Variants in PPP1R21 observed in about 807,000 individuals in gnomAD.
PPP1R21 encodes protein phosphatase 1 regulatory subunit 21, also known as KLRAQ motif containing 1.
Under a neutral mutation model 112.8 loss-of-function variants are expected in PPP1R21, and 85 were observed. That is an observed-to-expected ratio of 0.75 (90% CI 0.63 to 0.90). The LOEUF is 0.90. Among genes scored for constraint, PPP1R21 ranks in the 40% least tolerant of loss-of-function variants. The pLI is 0.00. For missense variants in PPP1R21, 1,199 were observed against 901.5 expected, an observed-to-expected ratio of 1.33 and a Z score of -4.23; for synonymous variants, 381 against 322.3, an observed-to-expected ratio of 1.18 and a Z score of -1.95.
intron 13 of PPP1R21, among the ~76,000 whole-genome samples, chr2:48,485,995 T>C (rs993854824): frequency 3.4e-5 from 5 of 148,278 alleles, no homozygotes; most frequent in African/African-American, 7.3e-5. Flanking sequence ...TATACAATTA[T>C]ATATAATATA....
At chr2:48,489,545 C>T (rs1443912361) in intron 14 of PPP1R21, among the ~76,000 whole-genome samples, 3 of 151,082 alleles carry the variant, frequency 2.0e-5, no homozygotes, top group East Asian at 2.0e-4. Flanking sequence ...CTTGCCATAT[C>T]GCCCAGGCTG....
At chr2:48,489,846 C>T (rs966935250) in intron 14 of PPP1R21, among the ~76,000 whole-genome samples, 1 of 151,904 alleles carries the variant, frequency 6.6e-6, no homozygotes, top group Non-Finnish European at 1.5e-5. Context: ...GAGTTTGAGA[C>T]CAGCCTGGCC....
chr2:48,466,225 T>C (rs1668196545), intron 9 of PPP1R21, among the ~76,000 whole-genome samples: 1 of 151,914 alleles, frequency 6.6e-6, no homozygotes, highest in Non-Finnish European at 1.5e-5. Flanking sequence ...TTTTTTTCTT[T>C]TTTTGAGGTG....
intron 7 of PPP1R21, among the ~76,000 whole-genome samples, chr2:48,463,764 G>A (rs539903610): frequency 9.1e-4 from 139 of 152,140 alleles, no homozygotes; most frequent in African/African-American, 3.2e-3. Flanking sequence ...GAGGGGGTCA[G>A]AAGCAGAAGG....
At chr2:48,489,546 G>A (rs1013773364) in intron 14 of PPP1R21, among the ~76,000 whole-genome samples, 8 of 151,452 alleles carry the variant, frequency 5.3e-5, no homozygotes, top group Admixed American at 3.3e-4. Context: ...TTGCCATATC[G>A]CCCAGGCTGG....
At chr2:48,461,055 A>C in intron 6 of PPP1R21, 83 bp from the exon 7 acceptor site, 2 of 1,489,736 alleles carry the variant, frequency 1.3e-6, no homozygotes, top group Non-Finnish European at 8.9e-7. Flanking sequence ...GAAGCCTACT[A>C]CCAGCTGTTG....
rs1281684339 is a variant in PPP1R21 at position 48,505,566 on chromosome 2, T to G, written c.1938T>G (p.Ile646Met). The change falls in exon 18 of 22, where the codon ATT (isoleucine) becomes ATG (methionine). Residue 646 changes from isoleucine to methionine, a missense_variant and splice_region_variant. Ile to Met is a conservative substitution (Grantham distance 10). Coordinates refer to ENST00000294952, the MANE Select transcript of PPP1R21 (RefSeq NM_001135629.3). ...VLEPIQSTSL[I>M]GTLTRTSDSE... The stretch of plus-strand genomic sequence containing the variant: ...AGATTTTTCCCCTTATGTTCTAGAT[T>G]GGGACTTTAACCAGGACATCTGACA... 1.3e-6 allele frequency: 2 copies of G among 1,549,752 alleles called. No homozygotes were observed. Among genetic ancestry groups the G allele is most frequent in the East Asian group, 4.9e-5 (2 of 40,916 alleles).
intron 13 of PPP1R21, among the ~76,000 whole-genome samples, chr2:48,485,551 C>T (rs1002670496): frequency 2.0e-5 from 3 of 151,836 alleles, no homozygotes; most frequent in Non-Finnish European, 1.5e-5. Context: ...TATCCTAAAT[C>T]AAAGACGTAT....
chr2:48,491,190 T>C lies in PPP1R21; in HGVS notation c.1599+20T>C, dbSNP rs571409822. 5 of 1,603,596 alleles carry C rather than the reference T, an allele frequency of 3.1e-6. No homozygotes were observed. The highest frequency in any genetic ancestry group is 1.3e-5 in the African/African-American group (1 of 74,274). ...AGAAAGGTTTGTTAGCTGCTGTTAATATTTAAATCAGAGGAAACATCAGGA... is the reference window on the plus strand; with the variant it reads ...AGAAAGGTTTGTTAGCTGCTGTTAACATTTAAATCAGAGGAAACATCAGGA... On this transcript the variant is annotated intron_variant, in intron 15 of 21. Transcript: ENST00000294952.
At position 48,510,459 on chromosome 2, in the gene PPP1R21, A is replaced by G. The variant is rs76583932; in HGVS notation, c.2184+346A>G. Among the ~76,000 whole-genome samples, 60 of 152,286 alleles carry G rather than the reference A, an allele frequency of 3.9e-4. No homozygotes were observed. In the East Asian group the frequency reaches 0.011, roughly 28 times the overall value. On this transcript the variant is annotated intron_variant, in intron 20 of 21. Coordinates refer to ENST00000294952, the MANE Select transcript of PPP1R21 (RefSeq NM_001135629.3). ...CTCTGTTCCTTTTCTTTCCTGTTGC[A>G]TAAAACGGATCTAAACTGAAAGGTG...
intron 12 of PPP1R21, among the ~76,000 whole-genome samples, chr2:48,475,573 C>T (rs950553450): frequency 5.3e-5 from 8 of 152,012 alleles, no homozygotes; most frequent in South Asian, 2.1e-4. Flanking sequence ...CAGGGCCGGG[C>T]GCGGTGGCTC....
Position 48,465,424 on chromosome 2 carries a change from G to T in PPP1R21, c.748-69G>T, listed in dbSNP as rs900331046. ...GGATTCAAATGTTTTCTCCAGATCA[G>T]ACTCAATAAAGTTCTTTTAGGATAA... On this transcript the variant is annotated intron_variant, in intron 8 of 21. Coordinates refer to ENST00000294952, the MANE Select transcript of PPP1R21 (RefSeq NM_001135629.3). 3.6e-6 allele frequency: 5 copies of T among 1,387,982 alleles called. No homozygotes were observed. The African/African-American group carries it at 7.2e-5, about 20-fold the overall frequency. 86.0% of individuals were successfully genotyped at this position (1,387,982 alleles called of 1,614,324 possible).
chr2:48,486,803 G>C (rs746173193), intron 14 of PPP1R21, 45 bp downstream of exon 14: 1 of 1,570,898 alleles, frequency 6.4e-7, no homozygotes. Flanking sequence ...TCTTAAATAT[G>C]TGCTTTTTTT....
Position 48,441,028 on chromosome 2 carries a change from G to T in PPP1R21, c.57+18G>T, listed in dbSNP as rs1667001753. 6.4e-7 allele frequency: 1 copy of T among 1,574,272 alleles called. No individual in the cohort carries two copies. The highest frequency in any genetic ancestry group is 8.7e-7 in the Non-Finnish European group (1 of 1,145,272). ...ACTCGAAGGTACCCATCGTGGTCTG[G>T]GAGTAGGGGGTCCCCCGCCCTGCGG... is the stretch of plus-strand genomic sequence containing the variant. On this transcript the variant is annotated intron_variant, in intron 1 of 21. Coordinates refer to ENST00000294952, the MANE Select transcript of PPP1R21 (RefSeq NM_001135629.3).
chr2:48,453,126 GTA>G (rs1026666060), intron 2 of PPP1R21, among the ~76,000 whole-genome samples: 4 of 151,990 alleles, frequency 2.6e-5, no homozygotes, highest in Non-Finnish European at 4.4e-5. Context: ...GCTAATTTTT[GTA>G]TTTTTAGTAG....
Position 48,451,009 on chromosome 2 carries a change from T to G in PPP1R21, c.59T>G (p.Leu20Arg). The change falls in exon 2 of 22, where the codon CTT becomes CGT. Residue 20 changes from leucine (L) to arginine (R), a missense_variant and splice_region_variant. By Grantham distance (102) the Leu-to-Arg change is moderately radical. Transcript: ENST00000294952. ...YQKLAQEYSK[L>R]RAQNQVLKKG... Reference sequence around the variant, plus strand: ...GATTATTGCTTTCTCTGTTTTCAGCTTCGGGCTCAGAATCAGGTTCTGAAA... The same window carrying G: ...GATTATTGCTTTCTCTGTTTTCAGCGTCGGGCTCAGAATCAGGTTCTGAAA... 6.2e-7 allele frequency: 1 copy of G among 1,613,426 alleles called. No homozygotes were observed. The highest frequency in any genetic ancestry group is 8.5e-7 in the Non-Finnish European group (1 of 1,179,394).
At chr2:48,473,660 C>T (rs1668620055) in intron 11 of PPP1R21, among the ~76,000 whole-genome samples, 1 of 152,038 alleles carries the variant, frequency 6.6e-6, no homozygotes, top group Admixed American at 6.5e-5. Flanking sequence ...AAGCTGTCTG[C>T]TATAAATAAA....
At chr2:48,444,026 C>T (rs1187991887) in intron 1 of PPP1R21, among the ~76,000 whole-genome samples, 7 of 151,926 alleles carry the variant, frequency 4.6e-5, no homozygotes, top group African/African-American at 7.3e-5. Flanking sequence ...ATAATCTTTC[C>T]TCTTGAAAAG....
chr2:48,495,387 A>G (rs1279001255), intron 15 of PPP1R21, among the ~76,000 whole-genome samples: 2 of 152,082 alleles, frequency 1.3e-5, no homozygotes, highest in Non-Finnish European at 1.5e-5. Context: ...TATTTTTAGT[A>G]GAGATGGGGT....
Sources: allele counts gnomAD v4.1 joint callset (sites outside exome capture counted in the v4.1 genomes callset), GRCh38; gene constraint gnomAD v4.1.1; transcripts MANE v1.5; gene names NCBI Gene and HGNC (gene_info 2026-07-23, HGNC 2026-07-21).